The following SGO2 variants were observed in gnomAD, a reference collection of about 807,000 sequenced individuals.
SGO2 encodes the protein shugoshin-like 2.
Under a neutral mutation model 99.5 loss-of-function variants are expected in SGO2, and 68 were observed. The observed-to-expected ratio is 0.68, with a 90% CI of 0.56 to 0.84. The LOEUF (loss-of-function observed/expected upper bound fraction) is 0.84, where lower values mean the gene tolerates loss of function less well. Ranked by LOEUF, SGO2 falls within the 40% of genes least tolerant of loss-of-function variation. The pLI, the probability that SGO2 is intolerant of heterozygous loss-of-function variation, is 0.00. For synonymous variants in SGO2, 457 were observed against 487.1 expected (o/e 0.94, Z 0.81); for missense variants, 1,350 against 1,436.7 (o/e 0.94, Z 0.97).
chr2:200,571,001 T>G (rs750862538), intron 6 of SGO2, 49 bp from the exon 7 acceptor site: 25 of 1,493,554 alleles, frequency 1.7e-5, no homozygotes, highest in Non-Finnish European at 2.1e-5. Flanking sequence ...TAAGGTAACT[T>G]ATTTATTTCA....
At position 200,545,187 on chromosome 2, in the gene SGO2, TG is replaced by T. The variant is rs762074688; in HGVS notation, c.473+2524del. Among the ~76,000 whole-genome samples the T allele has an allele frequency of 5.9e-5, 9 of 152,136 alleles. No homozygotes were observed. The South Asian group carries it at 1.0e-3, about 18-fold the overall frequency. ...ATGCCCGGCTAATTTTTATACTTTT[TG>T]TAGAGACAGGGTTTTGCCATGTTGC... On this transcript the variant is annotated intron_variant, in intron 5 of 8. Transcript: ENST00000357799.
At chr2:200,532,527 G>A (rs116508122) in intron 1 of SGO2, among the ~76,000 whole-genome samples, 4,397 of 151,870 alleles carry the variant, frequency 0.029, 204 homozygotes, top group African/African-American at 0.1. Flanking sequence ...TCCATAATAG[G>A]CCATAAATCT....
intron 7 of SGO2, among the ~76,000 whole-genome samples, chr2:200,574,468 T>A (rs1291837081): frequency 2.0e-5 from 3 of 152,074 alleles, no homozygotes; most frequent in Non-Finnish European, 2.9e-5. Flanking sequence ...AGATTCCATG[T>A]ATGTAACAAA....
intron 1 of SGO2, among the ~76,000 whole-genome samples, chr2:200,529,115 G>A (rs1422905939): frequency 2.2e-4 from 33 of 152,184 alleles, no homozygotes; most frequent in Admixed American, 2.0e-3. Flanking sequence ...ATCAAGTATA[G>A]ACAACTCTCT....
chr2:200,542,258 C>T (rs1029984955), intron 4 of SGO2, among the ~76,000 whole-genome samples: 10 of 151,994 alleles, frequency 6.6e-5, no homozygotes, highest in African/African-American at 2.4e-4. Flanking sequence ...TAAAATATTG[C>T]ATAATACATA....
chr2:200,556,139 A>G (rs2032705152), intron 5 of SGO2, among the ~76,000 whole-genome samples: 1 of 151,950 alleles, frequency 6.6e-6, no homozygotes, highest in African/African-American at 2.4e-5. Context: ...TAATTTTTGT[A>G]TTTTTAGTAG....
chr2:200,556,689 A>G (rs2032733377), intron 5 of SGO2, among the ~76,000 whole-genome samples: 1 of 152,236 alleles, frequency 6.6e-6, no homozygotes, highest in African/African-American at 2.4e-5. Flanking sequence ...CCAGTAAGCT[A>G]CAGCATTGGG....
intron 5 of SGO2, among the ~76,000 whole-genome samples, chr2:200,563,719 A>G (rs892896162): frequency 6.6e-6 from 1 of 152,186 alleles, no homozygotes; most frequent in African/African-American, 2.4e-5. Context: ...GCTATTAATT[A>G]TTGCCTCAAT....
In SGO2 at chr2:200,576,240, T is replaced by C. The variant is rs13404680; in HGVS notation, c.3782+779T>C. On this transcript the variant is annotated intron_variant, in intron 8 of 8. Coordinates refer to ENST00000357799, the MANE Select transcript of SGO2 (RefSeq NM_152524.6). Reference sequence around the variant, plus strand: ...CCTTTTTTTTTTCTTTTTTCTTTTTTTTTTAAACAGCTATTGAGAGATATA... The same window carrying C: ...CCTTTTTTTTTTCTTTTTTCTTTTTCTTTTAAACAGCTATTGAGAGATATA... 7.5e-3 allele frequency: 1,933 copies of C among 258,538 alleles called. 49 individuals carry two copies. Among genetic ancestry groups the C allele is most frequent in the African/African-American group, 0.041 (1,776 of 43,100 alleles). 16.0% of individuals were successfully genotyped at this position (258,538 alleles called of 1,614,324 possible). A position where few individuals can be genotyped will look rare whatever the true frequency, so the allele number is the denominator to read the frequency against.
chr2:200,543,794 G>C (rs182960696), intron 5 of SGO2, among the ~76,000 whole-genome samples: 2 of 152,146 alleles, frequency 1.3e-5, no homozygotes, highest in African/African-American at 4.8e-5. Context: ...TGCACGTATT[G>C]TTTCATATAG....
chr2:200,557,877 T>C (rs911238174), intron 5 of SGO2, among the ~76,000 whole-genome samples: 6 of 150,590 alleles, frequency 4.0e-5, no homozygotes, highest in African/African-American at 1.5e-4. Flanking sequence ...TTTTTTTTTT[T>C]TTTTTGAGAC....
chr2:200,579,380 C>T (rs774187751), intron 8 of SGO2, among the ~76,000 whole-genome samples: 19 of 152,136 alleles, frequency 1.2e-4, no homozygotes, highest in Admixed American at 1.3e-4. Context: ...TGGCTAATAA[C>T]TCAGGTACAA....
chr2:200,543,590 C>A (rs2032066779), intron 5 of SGO2: 1 of 152,122 alleles, frequency 6.6e-6, no homozygotes, highest in Admixed American at 6.5e-5. Context: ...TATTGAAATG[C>A]TATCTGTGCC....
At chr2:200,562,396 G>A (rs983895337) in intron 5 of SGO2, among the ~76,000 whole-genome samples, 1 of 152,138 alleles carries the variant, frequency 6.6e-6, no homozygotes, top group African/African-American at 2.4e-5. Context: ...TGAGGGTTCT[G>A]TTCTGTTCCA....
At chr2:200,545,557 A>C (rs1211490608) in intron 5 of SGO2, among the ~76,000 whole-genome samples, 1 of 152,028 alleles carries the variant, frequency 6.6e-6, no homozygotes, top group Non-Finnish European at 1.5e-5. Flanking sequence ...AAAACAAAAC[A>C]AAATATACAG....
intron 4 of SGO2, among the ~76,000 whole-genome samples, chr2:200,540,942 A>G (rs2031933573): frequency 6.6e-6 from 1 of 152,236 alleles, no homozygotes; most frequent in South Asian, 2.1e-4. Flanking sequence ...TATAAAGAAC[A>G]GAGATTCATT....
chr2:200,579,294 T>A (rs1484346011), intron 8 of SGO2, among the ~76,000 whole-genome samples: 1 of 151,390 alleles, frequency 6.6e-6, no homozygotes, highest in Non-Finnish European at 1.5e-5. Context: ...AGGTATAGTA[T>A]GATATCATCT....
Position 200,573,373 on chromosome 2 carries a change from A to G in SGO2, c.3027A>G (p.Leu1009=), listed in dbSNP as rs907877613. The change falls in exon 7 of 9, where the codon TTA becomes TTG. Residue 1009 remains leucine (L), a synonymous_variant. Coordinates refer to ENST00000357799, the MANE Select transcript of SGO2 (RefSeq NM_152524.6). ...CTAAGAACAAACTTGCTTCACAGTT[A>G]ACAGAATCTTCACAGACATCTATCT... ...TKAKNKLASQ[L]TESSQTSISL... The G allele has an allele frequency of 6.2e-7, 1 of 1,602,304 alleles. No individual in the cohort carries two copies. Among genetic ancestry groups the G allele is most frequent in the Non-Finnish European group, 8.5e-7 (1 of 1,176,736 alleles).
chr2:200,561,235 C>T (rs1422477125), intron 5 of SGO2, among the ~76,000 whole-genome samples: 3 of 152,148 alleles, frequency 2.0e-5, no homozygotes, highest in African/African-American at 7.2e-5. Context: ...TGATGTTCCC[C>T]ATCCTGTGTC....
Sources: gnomAD v4.1 joint callset for allele counts (sites outside exome capture counted in the v4.1 genomes callset) on GRCh38, gnomAD v4.1.1 for gene constraint, MANE v1.5 for transcripts, NCBI Gene and HGNC (gene_info 2026-07-23, HGNC 2026-07-21) for gene names.